Variants in DNAH5 observed in about 807,000 individuals in gnomAD.
DNAH5 encodes axonemal beta dynein heavy chain 5.
Under a neutral mutation model 518.2 loss-of-function variants are expected in DNAH5, and 372 were observed. That is an observed-to-expected ratio of 0.72 (90% CI 0.66 to 0.78). The LOEUF (loss-of-function observed/expected upper bound fraction) is 0.78, where lower values mean the gene tolerates loss of function less well. DNAH5 is among the 30% of genes least tolerant of loss of function. DNAH5 has a pLI of 0.00. For synonymous variants in DNAH5, 2,039 were observed against 2,025.9 expected (o/e 1.01, Z -0.17); for missense variants, 5,523 against 5,687.0 (o/e 0.97, Z 0.93).
intron 17 of DNAH5, 136 bp from the exon 18 acceptor site, chr5:13,886,265 C>T: frequency 2.3e-6 from 2 of 852,796 alleles, no homozygotes; most frequent in Non-Finnish European, 1.8e-6. Flanking sequence ...TGCTTGGCCA[C>T]ATCCTTCACA....
rs751594332 is a variant in DNAH5 at position 13,751,188 on chromosome 5, G to A, written c.11101C>T (p.Pro3701Ser). Residue 3701 changes from proline (P) to serine (S), a missense_variant, in exon 65 of 79, where the codon CCA (proline) becomes TCA (serine). Around this residue, in one of 3 missense-constraint regions of DNAH5, gnomAD observed 5,121 missense variants for 5,223.3 expected, o/e 0.98. Coordinates refer to ENST00000265104, the MANE Select transcript of DNAH5 (RefSeq NM_001369.3). ...RLYITTKLPN[P>S]AYTPEISART... ...GCACTTATCTCAGGGGTGTAGGCTG[G>A]GTTAGGCAATTTGGTGGTAATGTAG... 8.7e-6 allele frequency: 14 copies of A among 1,613,860 alleles called. No homozygotes were observed. Among genetic ancestry groups the A allele is most frequent in the Non-Finnish European group, 1.2e-5 (14 of 1,179,918 alleles).
At chr5:13,869,434 C>T (rs372921744) in intron 24 of DNAH5, among the ~76,000 whole-genome samples, 3 of 152,196 alleles carry the variant, frequency 2.0e-5, no homozygotes, top group South Asian at 2.1e-4. Context: ...CCTGACCCCA[C>T]GGTGCCTCCA....
At chr5:13,857,923 G>A (rs1025656080) in intron 30 of DNAH5, among the ~76,000 whole-genome samples, 6 of 152,088 alleles carry the variant, frequency 3.9e-5, no homozygotes, top group African/African-American at 1.4e-4. Flanking sequence ...AGATAACCTA[G>A]GCAATAACAT....
In DNAH5 at chr5:13,900,309, C is replaced by G. The variant is rs1300595605; in HGVS notation, c.2156G>C (p.Arg719Thr). The change falls in exon 15 of 79, where the codon AGA becomes ACA. Residue 719 changes from arginine to threonine, a missense_variant. Coordinates refer to ENST00000265104, the MANE Select transcript of DNAH5 (RefSeq NM_001369.3). ...NFDPQILILF[R>T]ETECMAQMGL... Reference sequence around the variant, plus strand: ...CATCTGGGCCATGCACTCTGTTTCTCTAAATAAGATTAATATCTGAGGGTC... The same window carrying G: ...CATCTGGGCCATGCACTCTGTTTCTGTAAATAAGATTAATATCTGAGGGTC... The G allele has an allele frequency of 6.2e-7, 1 of 1,614,016 alleles. No homozygotes were observed. The highest frequency in any genetic ancestry group is 1.3e-5 in the African/African-American group (1 of 74,910).
At chr5:13,837,226 A>G (rs1764511504) in intron 35 of DNAH5, among the ~76,000 whole-genome samples, 3 of 152,240 alleles carry the variant, frequency 2.0e-5, no homozygotes, top group African/African-American at 7.2e-5. Flanking sequence ...TATGGCAGCA[A>G]TACAAAGTTA....
chr5:13,751,520 G>A (rs1300653039), intron 64 of DNAH5, among the ~76,000 whole-genome samples: 1 of 152,148 alleles, frequency 6.6e-6, no homozygotes, highest in African/African-American at 2.4e-5. Context: ...CACCAAAATT[G>A]TTATGATCAC....
At chr5:13,741,182 T>C (rs879494567) in intron 65 of DNAH5, among the ~76,000 whole-genome samples, 16 of 152,192 alleles carry the variant, frequency 1.1e-4, no homozygotes, top group African/African-American at 2.9e-4. Context: ...CAAAACTGCA[T>C]GAAGGCAAAC....
intron 1 of DNAH5, among the ~76,000 whole-genome samples, chr5:13,961,553 A>T (rs1417448217): frequency 6.6e-6 from 1 of 152,172 alleles, no homozygotes; most frequent in African/African-American, 2.4e-5. Context: ...CTGAGGCGGG[A>T]GAATCACTTG....
At chr5:14,006,018 C>T (rs904993331) in intron 1 of DNAH5, among the ~76,000 whole-genome samples, 6 of 150,290 alleles carry the variant, frequency 4.0e-5, no homozygotes. Context: ...TCCAAACCCA[C>T]CCCCCTTGCA....
At chr5:13,697,047 G>A (rs116191459) in intron 78 of DNAH5, among the ~76,000 whole-genome samples, 25 of 152,184 alleles carry the variant, frequency 1.6e-4, no homozygotes, top group African/African-American at 3.4e-4. Flanking sequence ...TCAAATTGCC[G>A]TGGATTTTTA....
At chr5:13,809,923 T>C in intron 45 of DNAH5, 136 bp downstream of exon 45, 1 of 910,104 alleles carries the variant, frequency 1.1e-6, no homozygotes, top group Non-Finnish European at 1.7e-6. Context: ...TTCACTTTCT[T>C]CACACACGAA....
chr5:13,693,170 A>G (rs983273727), intron 78 of DNAH5, among the ~76,000 whole-genome samples: 1 of 152,172 alleles, frequency 6.6e-6, no homozygotes, highest in Admixed American at 6.5e-5. Context: ...TCTTCCGGGA[A>G]GTCAATATTA....
intron 1 of DNAH5, among the ~76,000 whole-genome samples, chr5:13,952,671 G>A (rs1351224606): frequency 6.6e-6 from 1 of 152,184 alleles, no homozygotes; most frequent in Non-Finnish European, 1.5e-5. Context: ...GTCTTTAAAT[G>A]TCAAACTACC....
At chr5:13,712,447 A>G (rs1743617148) in intron 75 of DNAH5, among the ~76,000 whole-genome samples, 1 of 152,232 alleles carries the variant, frequency 6.6e-6, no homozygotes, top group Admixed American at 6.5e-5. Context: ...AAGCAAATGC[A>G]ATAACAACAA....
At chr5:13,748,917 T>C (rs11957539) in intron 65 of DNAH5, among the ~76,000 whole-genome samples, 50,307 of 151,726 alleles carry the variant, frequency 0.33, 8,512 homozygotes, top group East Asian at 0.43. Context: ...TATATCTGTG[T>C]TCATAAGGCA....
chr5:13,988,286 G>A (rs1178634395), intron 1 of DNAH5, among the ~76,000 whole-genome samples: 2 of 152,110 alleles, frequency 1.3e-5, no homozygotes, highest in East Asian at 3.8e-4. Context: ...CTGTCCCTTT[G>A]GTCTCCCATT....
chr5:13,756,753 T>C (rs1206199423), intron 61 of DNAH5, among the ~76,000 whole-genome samples: 5 of 151,866 alleles, frequency 3.3e-5, no homozygotes, highest in Admixed American at 2.6e-4. Flanking sequence ...GTTTGTTATA[T>C]AAGTAAACTT....
At chr5:13,887,546 T>C (rs1772605181) in intron 17 of DNAH5, among the ~76,000 whole-genome samples, 1 of 152,178 alleles carries the variant, frequency 6.6e-6, no homozygotes, top group Admixed American at 6.5e-5. Flanking sequence ...AAAAGGGCCT[T>C]TCTTTCAATC....
At chr5:13,963,565 G>A (rs13161003) in intron 1 of DNAH5, among the ~76,000 whole-genome samples, 55,219 of 145,926 alleles carry the variant, frequency 0.38, 11,728 homozygotes, top group South Asian at 0.5. Context: ...GCAACAAAGC[G>A]AGACTCTATC....
Sources: allele counts gnomAD v4.1 joint callset (sites outside exome capture counted in the v4.1 genomes callset), GRCh38; gene constraint gnomAD v4.1.1; regional missense constraint gnomAD v4.1.1; transcripts MANE v1.5; gene names NCBI Gene and HGNC (gene_info 2026-07-23, HGNC 2026-07-21).